The following TFPI variants were observed in gnomAD, a reference collection of about 807,000 sequenced individuals.
TFPI encodes the protein anti-convertin.
A neutral mutation model predicts 34.6 loss-of-function variants in TFPI; 15 were observed. The ratio of observed to expected loss-of-function variants is 0.43; its 90% confidence interval spans 0.29 to 0.67. The LOEUF (loss-of-function observed/expected upper bound fraction) is 0.67, where lower values mean the gene tolerates loss of function less well. Among genes scored for constraint, TFPI ranks in the 30% least tolerant of loss-of-function variants. The pLI is 0.15. For synonymous variants in TFPI, 105 were observed against 120.1 expected (o/e 0.87, Z 0.82); for missense variants, 301 against 364.0 (o/e 0.83, Z 1.41).
intron 1 of TFPI, chr2:187,519,180 C>A (rs544254880): frequency 6.6e-6 from 1 of 152,270 alleles, no homozygotes; most frequent in Non-Finnish European, 1.5e-5. Flanking sequence ...AGTTCTGTTC[C>A]CTTGCTGGCA....
chr2:187,497,317 G>A (rs1422631280), intron 2 of TFPI, among the ~76,000 whole-genome samples: 1 of 151,998 alleles, frequency 6.6e-6, no homozygotes, highest in Non-Finnish European at 1.5e-5. Flanking sequence ...ACCGAACTGG[G>A]AGGGAATTGA....
chr2:187,467,166 T>G, intron 7 of TFPI, 124 bp from the exon 8 acceptor site: 1 of 639,928 alleles, frequency 1.6e-6, no homozygotes, highest in South Asian at 2.0e-5. Context: ...TTAAAAGCCT[T>G]TAATTTGTCC....
At chr2:187,523,203 T>A (rs1365977972) in intron 1 of TFPI, among the ~76,000 whole-genome samples, 1 of 152,222 alleles carries the variant, frequency 6.6e-6, no homozygotes, top group East Asian at 1.9e-4. Context: ...CATAAATAAA[T>A]AAGGAACCAA....
intron 2 of TFPI, among the ~76,000 whole-genome samples, chr2:187,500,542 A>T (rs1413523045): frequency 6.6e-6 from 1 of 152,080 alleles, no homozygotes; most frequent in African/African-American, 2.4e-5. Context: ...TCAAACATTC[A>T]CCTTTATGAA....
At chr2:187,531,073 C>A (rs961469445) in intron 1 of TFPI, among the ~76,000 whole-genome samples, 4 of 152,098 alleles carry the variant, frequency 2.6e-5, no homozygotes, top group African/African-American at 9.7e-5. Context: ...ATTCTCAAAA[C>A]TTCTATTAAA....
intron 1 of TFPI, among the ~76,000 whole-genome samples, chr2:187,532,701 C>T (rs1459907514): frequency 1.3e-5 from 2 of 152,080 alleles, no homozygotes; most frequent in Non-Finnish European, 2.9e-5. Context: ...TTTTCATACC[C>T]CAGTGGCGTC....
intron 2 of TFPI, among the ~76,000 whole-genome samples, chr2:187,498,732 T>C (rs994917591): frequency 1.3e-5 from 2 of 151,912 alleles, no homozygotes; most frequent in African/African-American, 4.8e-5. Context: ...TAAATTGAGC[T>C]GACAGAACTG....
chr2:187,497,955 T>C (rs1036739626), intron 2 of TFPI, among the ~76,000 whole-genome samples: 1 of 151,936 alleles, frequency 6.6e-6, no homozygotes, highest in Non-Finnish European at 1.5e-5. Flanking sequence ...TTCTTGAATA[T>C]TTTCTGCATA....
At chr2:187,486,909 A>G (rs1046708636) in intron 4 of TFPI, among the ~76,000 whole-genome samples, 1 of 151,584 alleles carries the variant, frequency 6.6e-6, no homozygotes, top group African/African-American at 2.4e-5. Context: ...TAATGGTCCA[A>G]TGCTAGGAAG....
chr2:187,466,039 A>G lies in TFPI; in HGVS notation c.*897T>C, dbSNP rs966638884. 1.3e-5 allele frequency: 2 copies of G among 152,204 alleles called. No homozygotes were observed. Among genetic ancestry groups the G allele is most frequent in the African/African-American group, 2.4e-5 (1 of 41,446 alleles). The allele number at this position is 152,204 out of a possible 1,614,324, so 9.4% of individuals were successfully genotyped here. A position where few individuals can be genotyped will look rare whatever the true frequency, so the allele number is the denominator to read the frequency against. On this transcript the variant is annotated 3_prime_UTR_variant, in exon 8 of 8. Coordinates refer to ENST00000233156, the MANE Select transcript of TFPI (RefSeq NM_006287.6). Reference sequence around the variant, plus strand: ...CTTCAACAGAAATAACCTACTTTTTAAAGCATGAATTATTAGTTGCATTGT... The same window carrying G: ...CTTCAACAGAAATAACCTACTTTTTGAAGCATGAATTATTAGTTGCATTGT...
intron 3 of TFPI, among the ~76,000 whole-genome samples, chr2:187,488,846 A>G (rs1385282955): frequency 6.6e-6 from 1 of 151,432 alleles, no homozygotes; most frequent in South Asian, 2.1e-4. Context: ...TGCAAGTTTC[A>G]TTATTATTAC....
intron 1 of TFPI, among the ~76,000 whole-genome samples, chr2:187,528,258 G>C (rs895650402): frequency 6.6e-6 from 1 of 152,104 alleles, no homozygotes; most frequent in African/African-American, 2.4e-5. Flanking sequence ...CTCACAGCTG[G>C]GAATAGGGCA....
chr2:187,549,414 T>G (rs891596935), intron 1 of TFPI, among the ~76,000 whole-genome samples: 2 of 152,170 alleles, frequency 1.3e-5, no homozygotes, highest in Non-Finnish European at 2.9e-5. Context: ...GCTAAAACTC[T>G]AGGTAAATAA....
chr2:187,494,018 C>A (rs191409730), intron 3 of TFPI, among the ~76,000 whole-genome samples: 13 of 152,298 alleles, frequency 8.5e-5, no homozygotes, highest in Non-Finnish European at 1.6e-4. Context: ...TCCAGCAACA[C>A]CCCATTCTAC....
intron 7 of TFPI, 26 bp from the exon 8 acceptor site, chr2:187,467,068 A>G (rs1426677815): frequency 6.6e-6 from 9 of 1,370,210 alleles, no homozygotes; most frequent in Non-Finnish European, 9.1e-6. Flanking sequence ...GAATAAATTA[A>G]TGTGTGATAA....
rs917014102 is a variant in TFPI, at chr2:187,466,824, A to G, written c.*112T>C. The G allele has an allele frequency of 1.3e-5, 8 of 597,672 alleles. No individual in the cohort carries two copies. In the African/African-American group the frequency reaches 1.6e-4, roughly 12 times the overall value. The allele number at this position is 597,672 out of a possible 1,614,324, so 37.0% of individuals were successfully genotyped here. On this transcript the variant is annotated 3_prime_UTR_variant, in exon 8 of 8. Transcript: ENST00000233156. ...TGATAACAAGTACAATAAGCATAGA[A>G]AATTTAATGAACATATTAATTAAAA...
intron 1 of TFPI, among the ~76,000 whole-genome samples, chr2:187,540,643 G>T (rs550591797): frequency 2.0e-5 from 3 of 151,752 alleles, no homozygotes; most frequent in Non-Finnish European, 2.9e-5. Flanking sequence ...TAATCCCAAC[G>T]CTTTGGGAGG....
chr2:187,465,101 G>A lies in TFPI; in HGVS notation c.*1835C>T, dbSNP rs1691652338. The A allele has an allele frequency of 6.6e-6, 1 of 152,192 alleles. No individual in the cohort carries two copies. Among genetic ancestry groups the A allele is most frequent in the African/African-American group, 2.4e-5 (1 of 41,460 alleles). The allele number at this position is 152,192 out of a possible 1,614,324, so 9.4% of individuals were successfully genotyped here. A position where few individuals can be genotyped will look rare whatever the true frequency, so the allele number is the denominator to read the frequency against. Reference sequence around the variant, plus strand: ...AACATACATCAAAATTAAATGGTGAGGTTGAAGGTTGTAGTTAAGTACCAA... The same window carrying A: ...AACATACATCAAAATTAAATGGTGAAGTTGAAGGTTGTAGTTAAGTACCAA... On this transcript the variant is annotated 3_prime_UTR_variant, in exon 8 of 8. Transcript: ENST00000233156.
At chr2:187,503,848 G>GA in intron 1 of TFPI, 78 bp from the exon 2 acceptor site, 3 of 1,494,798 alleles carry the variant, frequency 2.0e-6, no homozygotes, top group African/African-American at 1.4e-5. Context: ...AACATCATAT[G>GA]TGTACCTCAT....
Sources: gnomAD v4.1 joint callset for allele counts (sites outside exome capture counted in the v4.1 genomes callset) on GRCh38, gnomAD v4.1.1 for gene constraint, MANE v1.5 for transcripts, NCBI Gene and HGNC (gene_info 2026-07-23, HGNC 2026-07-21) for gene names.